The following TRHDE variants were observed in gnomAD, a reference collection of about 807,000 sequenced individuals.
The protein encoded by TRHDE is thyrotropin releasing hormone degrading enzyme.
Under a neutral mutation model 125.7 loss-of-function variants are expected in TRHDE, and 72 were observed. That is an observed-to-expected ratio of 0.57 (90% CI 0.47 to 0.70). The LOEUF (loss-of-function observed/expected upper bound fraction) is 0.70. Among genes scored for constraint, TRHDE ranks in the 30% least tolerant of loss-of-function variants. The probability of loss-of-function intolerance (pLI) is 0.00; values close to 1 mark genes in which losing one functional copy is unlikely to be tolerated. For synonymous variants in TRHDE, 509 were observed against 509.1 expected (o/e 1.00, Z 0.00); for missense variants, 1,110 against 1,327.1 (o/e 0.84, Z 2.54).
intron 2 of TRHDE, among the ~76,000 whole-genome samples, chr12:72,294,702 G>A (rs746324814): frequency 7.9e-5 from 12 of 152,056 alleles, no homozygotes; most frequent in Non-Finnish European, 1.8e-4. Context: ...CTGGGGACCC[G>A]CCCCCTTCCA....
At position 72,663,130 on chromosome 12, in the gene TRHDE, G is replaced by A; in HGVS notation, c.3145G>A (p.Val1049Met). ...SRAVETVEAN[V>M]RWKMLYQDEL... is the part of the protein sequence containing the mutation. ...AGCTGTGGAAACTGTCGAAGCCAAT[G>A]TGCGCTGGAAAATGCTTTACCAAGA... The change falls in exon 19 of 19, where the codon GTG (valine) becomes ATG (methionine). Residue 1049 changes from valine (V) to methionine (M), a missense_variant. Transcript: ENST00000261180. 1 of 1,613,266 alleles carries A rather than the reference G, an allele frequency of 6.2e-7. No individual in the cohort carries two copies. Among genetic ancestry groups the A allele is most frequent in the Non-Finnish European group, 8.5e-7 (1 of 1,179,540 alleles).
intron 5 of TRHDE, 75 bp from the exon 6 acceptor site, chr12:72,499,423 A>AT: frequency 6.6e-7 from 1 of 1,525,160 alleles, no homozygotes; most frequent in Non-Finnish European, 8.9e-7. Context: ...AGTGACACAC[A>AT]TTATGTTCAT....
At chr12:72,127,160 A>G (rs1168314680) in intron 2 of TRHDE, among the ~76,000 whole-genome samples, 2 of 152,248 alleles carry the variant, frequency 1.3e-5, no homozygotes, top group African/African-American at 4.8e-5. Context: ...TACACCAGTC[A>G]GAATGGCTAT....
rs142408142 is a variant in TRHDE at position 72,506,497 on chromosome 12, T to C, written c.1722+6862T>C. On this transcript the variant is annotated intron_variant, in intron 6 of 18. Transcript: ENST00000261180. ...TTGCATGTATTATCCCATTTATTCC[T>C]GACAGAAAACTTGGCATGCAGGCAT... Among the ~76,000 whole-genome samples, 566 of 152,330 alleles carry C rather than the reference T, an allele frequency of 3.7e-3. 4 individuals carry two copies. Among genetic ancestry groups the C allele is most frequent in the Admixed American group, 6.8e-3 (104 of 15,296 alleles).
chr12:72,181,178 G>T (rs1272902359), intron 2 of TRHDE, among the ~76,000 whole-genome samples: 1 of 152,150 alleles, frequency 6.6e-6, no homozygotes, highest in Admixed American at 6.5e-5. Context: ...AGAAGTGTCT[G>T]GTGTGCAGGG....
chr12:72,624,330 A>G (rs972054379), intron 15 of TRHDE, among the ~76,000 whole-genome samples: 3 of 151,936 alleles, frequency 2.0e-5, no homozygotes, highest in Non-Finnish European at 4.4e-5. Flanking sequence ...GAAGCCTTAA[A>G]TAGAGTGATT....
chr12:72,380,270 TCTC>T (rs1380951515), intron 3 of TRHDE, among the ~76,000 whole-genome samples: 1 of 152,146 alleles, frequency 6.6e-6, no homozygotes, highest in African/African-American at 2.4e-5. Context: ...AAGGCAAAAA[TCTC>T]CTCTCTTCTG....
intron 2 of TRHDE, among the ~76,000 whole-genome samples, chr12:72,185,447 T>C (rs1877186372): frequency 1.3e-5 from 2 of 152,246 alleles, no homozygotes; most frequent in Non-Finnish European, 2.9e-5. Flanking sequence ...GGCGCAGGAC[T>C]GGCAGGCAGC....
intron 2 of TRHDE, among the ~76,000 whole-genome samples, chr12:72,181,917 A>G (rs922767598): frequency 1.1e-4 from 16 of 152,192 alleles, no homozygotes; most frequent in Admixed American, 8.5e-4. Flanking sequence ...AGTTTGCTCA[A>G]TGGCAACCCA....
rs970121987 is a variant in TRHDE, at chr12:72,273,511, C to T, written c.868C>T (p.Leu290Phe). 4 of 1,608,686 alleles carry T rather than the reference C, an allele frequency of 2.5e-6. No individual in the cohort carries two copies. In the African/African-American group the frequency reaches 5.3e-5, roughly 21 times the overall value. The change falls in exon 1 of 19, where the codon CTC becomes TTC. Residue 290 changes from leucine to phenylalanine, a missense_variant. Physicochemically the swap from Leu to Phe is conservative, Grantham distance 22. Coordinates refer to ENST00000261180, the MANE Select transcript of TRHDE (RefSeq NM_013381.3). The surrounding 1 kb of genome is among the most constrained non-coding windows in gnomAD (Gnocchi z 5.3). ...IIYNALIENE[L>F]LGFFRSSYVL... is the part of the protein sequence containing the mutation. ...CTACAACGCGCTCATCGAGAATGAGCTCCTGGGCTTCTTCCGCAGCTCCTA... is the reference window on the plus strand; with the variant it reads ...CTACAACGCGCTCATCGAGAATGAGTTCCTGGGCTTCTTCCGCAGCTCCTA...
chr12:72,215,830 A>G (rs1182060883), intron 2 of TRHDE, among the ~76,000 whole-genome samples: 3 of 152,126 alleles, frequency 2.0e-5, no homozygotes, highest in Non-Finnish European at 4.4e-5. Flanking sequence ...GGAGTCTGAC[A>G]ATTTGGAAAC....
intron 2 of TRHDE, among the ~76,000 whole-genome samples, chr12:72,109,259 G>T (rs1037128563): frequency 1.3e-5 from 2 of 151,948 alleles, no homozygotes; most frequent in African/African-American, 4.8e-5. Flanking sequence ...ATCCTGTTAC[G>T]TCTAAAGCTT....
chr12:72,358,747 C>A (rs775974345), intron 2 of TRHDE, among the ~76,000 whole-genome samples: 4 of 151,556 alleles, frequency 2.6e-5, no homozygotes, highest in Non-Finnish European at 4.4e-5. Flanking sequence ...ACGTGACCTA[C>A]CTCTGACAAT....
intron 3 of TRHDE, among the ~76,000 whole-genome samples, chr12:72,421,760 C>T (rs2135827717): frequency 6.6e-6 from 1 of 152,238 alleles, no homozygotes; most frequent in East Asian, 1.9e-4. Flanking sequence ...AAAGTGGAAA[C>T]ATCTAGGAAA....
intron 2 of TRHDE, among the ~76,000 whole-genome samples, chr12:72,115,650 A>T (rs1240500631): frequency 6.6e-6 from 1 of 152,036 alleles, no homozygotes; most frequent in African/African-American, 2.4e-5. Context: ...GGTTGTACTA[A>T]TTTATATTCC....
At chr12:72,490,783 A>C (rs1877638543) in intron 5 of TRHDE, among the ~76,000 whole-genome samples, 1 of 151,300 alleles carries the variant, frequency 6.6e-6, no homozygotes, top group Non-Finnish European at 1.5e-5. Context: ...CAACCCTTGA[A>C]TATATAGAGA....
chr12:72,338,203 G>C (rs1210640393), intron 2 of TRHDE, among the ~76,000 whole-genome samples: 1 of 152,064 alleles, frequency 6.6e-6, no homozygotes, highest in Non-Finnish European at 1.5e-5. Context: ...GCTTTTTATT[G>C]CCAATGTGAG....
intron 12 of TRHDE, among the ~76,000 whole-genome samples, chr12:72,608,775 C>T (rs1019822711): frequency 7.2e-5 from 11 of 152,146 alleles, no homozygotes; most frequent in African/African-American, 2.7e-4. Context: ...TAATTTTCTC[C>T]CATATTTTCT....
intron 6 of TRHDE, among the ~76,000 whole-genome samples, chr12:72,517,420 G>T (rs200517193): frequency 1.4e-3 from 207 of 143,264 alleles, no homozygotes; most frequent in East Asian, 1.9e-3. Context: ...AGATTTTCTA[G>T]TTTATTTGCA....
Sources: allele counts gnomAD v4.1 joint callset (sites outside exome capture counted in the v4.1 genomes callset), GRCh38; gene constraint gnomAD v4.1.1; non-coding constraint Gnocchi (gnomAD v3.1); transcripts MANE v1.5; gene names NCBI Gene and HGNC (gene_info 2026-07-23, HGNC 2026-07-21).